The following RPGR variants were observed in gnomAD, a reference collection of about 807,000 sequenced individuals.
RPGR encodes retinitis pigmentosa GTPase regulator.
In RPGR, 10 loss-of-function variants were observed where a neutral mutation model predicts 56.3. The ratio of observed to expected loss-of-function variants is 0.18; its 90% CI spans 0.11 to 0.30. RPGR has a LOEUF of 0.30. Among genes scored for constraint, RPGR ranks in the 10% least tolerant of loss-of-function variants. The pLI, the probability that RPGR is intolerant of heterozygous loss-of-function variation, is 1.00. For missense variants in RPGR, 538 were observed against 590.9 expected, an observed-to-expected ratio of 0.91 and a Z score of 0.93; for synonymous variants, 197 against 212.9, an observed-to-expected ratio of 0.93 and a Z score of 0.65.
chrX:38,272,367 G>C, intron 18 of RPGR: 1 of 111,516 alleles, frequency 9.0e-6, no homozygotes, highest in East Asian at 2.8e-4. Context: ...GCCAAGACAG[G>C]CGGATCACCT....
Position 38,287,180 on chromosome X carries a change from C to T in RPGR, c.1819G>A (p.Glu607Lys). 1.7e-6 allele frequency: 2 copies of T among 1,211,186 alleles called. No individual in the cohort carries two copies. Among genetic ancestry groups the T allele is most frequent in the South Asian group, 3.5e-5 (2 of 56,987 alleles). Residue 607 changes from glutamate to lysine, a missense_variant, in exon 15 of 19, where the codon GAA (glutamate) becomes AAA (lysine). Physicochemically the swap from Glu to Lys is moderately conservative, Grantham distance 56. This residue lies in a region of RPGR where 357 missense variants were observed against 325.8 expected (regional missense o/e 1.10). Coordinates refer to ENST00000642395, the MANE Select transcript of RPGR (RefSeq NM_000328.3). Reference sequence around the variant, plus strand: ...ACCTTCACATTTTCCTCATTTGCTTCTACCTCTTGCTCCTCTATTCCATTT... The same window carrying T: ...ACCTTCACATTTTCCTCATTTGCTTTTACCTCTTGCTCCTCTATTCCATTT...
At chrX:38,270,586 G>A (rs1162050391) in intron 18 of RPGR, among the ~76,000 whole-genome samples, 2 of 101,141 alleles carry the variant, frequency 2.0e-5, no homozygotes, top group African/African-American at 7.3e-5. Flanking sequence ...TCGCGCCACT[G>A]CACTCCAGCT....
intron 15 of RPGR, chrX:38,284,415 A>T: frequency 1.4e-6 from 1 of 729,384 alleles, no homozygotes; most frequent in African/African-American, 2.3e-5. Context: ...ATATACATTT[A>T]ATTTTTTATT....
chrX:38,276,439 T>C (rs1269988646), intron 16 of RPGR: 2 of 577,556 alleles, frequency 3.5e-6, no homozygotes, highest in African/African-American at 4.8e-5. Flanking sequence ...AGCCAAAGCC[T>C]TTCTCTTATG....
intron 1 of RPGR, among the ~76,000 whole-genome samples, chrX:38,326,507 T>C (rs1183981196): frequency 1.8e-5 from 2 of 111,830 alleles, no homozygotes; most frequent in Non-Finnish European, 3.8e-5. Flanking sequence ...CAGACATCTA[T>C]TTCTGTTACA....
At chrX:38,298,419 T>C (rs1340568577) in intron 10 of RPGR, 1 of 323,164 alleles carries the variant, frequency 3.1e-6, no homozygotes, top group Non-Finnish European at 6.0e-6. Context: ...GTTTATAGTA[T>C]ATAAGCTCCC....
At chrX:38,325,932 T>C (rs2068040422) in intron 1 of RPGR, 1 of 111,908 alleles carries the variant, frequency 8.9e-6, no homozygotes, top group African/African-American at 3.3e-5. Context: ...TGATCACACA[T>C]AAACTAATTC....
In RPGR at chrX:38,323,571, C is replaced by T. The variant is rs762395104; in HGVS notation, c.29-47G>A. ...TATTTTATAACTTTTACTATGTTGCCTGTTATTAAAATAACTTTTGAGTAA... is the reference window on the plus strand; with the variant it reads ...TATTTTATAACTTTTACTATGTTGCTTGTTATTAAAATAACTTTTGAGTAA... On this transcript the variant is annotated intron_variant, in intron 1 of 18. Transcript: ENST00000642395. 16 of 1,182,212 alleles carry T rather than the reference C, an allele frequency of 1.4e-5. No homozygotes were observed. In the African/African-American group the frequency reaches 2.5e-4, roughly 18 times the overall value.
At position 38,286,657 on chromosome X, in the gene RPGR, G is replaced by A. The variant is rs368235489; in HGVS notation, c.1905+437C>T. On this transcript the variant is annotated intron_variant, in intron 15 of 18. Transcript: ENST00000642395. ...TTCCTCTCCTTTCTCCTCCTTCCCCGCTCTTTCCTCCTTTTTCCTCTCTCC... is the reference window on the plus strand; with the variant it reads ...TTCCTCTCCTTTCTCCTCCTTCCCCACTCTTTCCTCCTTTTTCCTCTCTCC... The A allele has an allele frequency of 4.1e-5, 44 of 1,066,199 alleles. No individual in the cohort carries two copies. The highest frequency in any genetic ancestry group is 3.2e-4 in the African/African-American group (12 of 37,240). The allele number at this position is 1,066,199 out of a possible 1,213,427, so 87.9% of individuals were successfully genotyped here. A position where few individuals can be genotyped will look rare whatever the true frequency, so the allele number is the denominator to read the frequency against.
chrX:38,327,400 C>A lies in RPGR; in HGVS notation c.-33G>T. The A allele has an allele frequency of 8.6e-7, 1 of 1,165,719 alleles. No individual in the cohort carries two copies. Among genetic ancestry groups the A allele is most frequent in the Non-Finnish European group, 1.1e-6 (1 of 871,499 alleles). On this transcript the variant is annotated 5_prime_UTR_variant, in exon 1 of 19. Transcript: ENST00000642395. ...GCAGTACGGGCAGCCTGCGCCGGGG[C>A]CAGGAGGCTGTAGAGGACGGTTTGG... is the stretch of plus-strand genomic sequence containing the variant.
At chrX:38,310,884 TTGAGA>T in intron 6 of RPGR, 111 bp from the exon 7 acceptor site, 5 of 614,272 alleles carry the variant, frequency 8.1e-6, no homozygotes, top group Non-Finnish European at 1.3e-5. Flanking sequence ...TTGACCTTTC[TTGAGA>T]TATTTTTACT....
At chrX:38,273,223 G>T (rs1456812885) in intron 18 of RPGR, among the ~76,000 whole-genome samples, 1 of 111,941 alleles carries the variant, frequency 8.9e-6, no homozygotes, top group Non-Finnish European at 1.9e-5. Flanking sequence ...CTAACCAAAG[G>T]AAAGGTAGTA....
intron 10 of RPGR, chrX:38,298,374 T>C (rs1040408013): frequency 8.8e-5 from 28 of 319,529 alleles, no homozygotes; most frequent in African/African-American, 2.2e-4. Flanking sequence ...CTCTCTCTAA[T>C]TGAAGTCCTT....
At position 38,318,889 on chromosome X, in the gene RPGR, TA is replaced by T; in HGVS notation, c.408del (p.Phe136LeufsTer20). 1 of 1,211,619 alleles carries T rather than the reference TA, an allele frequency of 8.3e-7. No homozygotes were observed. The highest frequency in any genetic ancestry group is 1.1e-6 in the Non-Finnish European group (1 of 895,280). ...AGCTGCTTAATCTTATGCTCGGATGTAAAAAAGCTAATTACATGAAAAGTGT... is the reference window on the plus strand; with the variant it reads ...AGCTGCTTAATCTTATGCTCGGATGTAAAAAGCTAATTACATGAAAAGTGT... On this transcript the variant is annotated frameshift_variant, in exon 5 of 19. Transcript: ENST00000642395. LOFTEE classifies it high-confidence loss of function.
At chrX:38,279,302 T>G in intron 15 of RPGR, 1 of 288,260 alleles carries the variant, frequency 3.5e-6, no homozygotes, top group Middle Eastern at 8.1e-4. Flanking sequence ...ATGGTCAGTA[T>G]ATGTCTGTGT....
At chrX:38,317,754 C>A (rs2067853715) in intron 5 of RPGR, 1 of 239,446 alleles carries the variant, frequency 4.2e-6, no homozygotes, top group Non-Finnish European at 7.4e-6. Context: ...CTACAATCAC[C>A]CTTTCCCATT....
chrX:38,282,561 TA>T (rs1474519265), intron 15 of RPGR, among the ~76,000 whole-genome samples: 1 of 111,387 alleles, frequency 9.0e-6, no homozygotes, highest in Non-Finnish European at 1.9e-5. Context: ...AAATCAACAG[TA>T]AAAAACTGTC....
intron 11 of RPGR, among the ~76,000 whole-genome samples, chrX:38,291,721 G>C (rs1203666216): frequency 8.9e-6 from 1 of 112,022 alleles, no homozygotes; most frequent in African/African-American, 3.2e-5. Context: ...TCATTCATAT[G>C]AACAGGCAAA....
intron 10 of RPGR, 117 bp downstream of exon 10, chrX:38,298,839 T>C (rs2067445208): frequency 2.5e-6 from 2 of 805,610 alleles, no homozygotes; most frequent in Admixed American, 5.8e-5. Context: ...CTAATAATTT[T>C]ATGTAGCAAA....
Sources: gnomAD v4.1 joint callset for allele counts (sites outside exome capture counted in the v4.1 genomes callset) on GRCh38, gnomAD v4.1.1 for gene constraint, gnomAD v4.1.1 regional missense constraint, MANE v1.5 for transcripts, NCBI Gene and HGNC (gene_info 2026-07-23, HGNC 2026-07-21) for gene names.